Variants in MAP3K5 observed in about 807,000 individuals in gnomAD.
The protein encoded by MAP3K5 is ASK-1.
A neutral mutation model predicts 158.7 loss-of-function variants in MAP3K5; 56 were observed. The observed-to-expected ratio is 0.35, with a 90% confidence interval of 0.28 to 0.44. The LOEUF is 0.44. Ranked by LOEUF, MAP3K5 falls within the 20% of genes least tolerant of loss-of-function variation. MAP3K5 has a pLI of 1.00. For missense variants in MAP3K5, 1,294 were observed against 1,674.8 expected, an observed-to-expected ratio of 0.77 and a Z score of 3.97; for synonymous variants, 579 against 601.7, an observed-to-expected ratio of 0.96 and a Z score of 0.55.
chr6:136,725,343 G>A (rs1196949830), intron 1 of MAP3K5, among the ~76,000 whole-genome samples: 6 of 152,198 alleles, frequency 3.9e-5, no homozygotes, highest in Non-Finnish European at 7.4e-5. Context: ...CATCTCAGCT[G>A]TCCAACATCT....
At chr6:136,753,936 G>A (rs1297273103) in intron 1 of MAP3K5, among the ~76,000 whole-genome samples, 1 of 152,216 alleles carries the variant, frequency 6.6e-6, no homozygotes, top group Non-Finnish European at 1.5e-5. Context: ...AAACTGAAAG[G>A]TGCTAGTGAG....
chr6:136,770,607 A>G (rs1272966316), intron 1 of MAP3K5, among the ~76,000 whole-genome samples: 4 of 152,212 alleles, frequency 2.6e-5, no homozygotes, highest in African/African-American at 9.6e-5. Flanking sequence ...AGAATAAAAT[A>G]TAGGCCAGAT....
intron 1 of MAP3K5, among the ~76,000 whole-genome samples, chr6:136,723,742 A>T (rs181615605): frequency 2.0e-3 from 301 of 152,340 alleles, no homozygotes; most frequent in African/African-American, 6.7e-3. Flanking sequence ...AACTTTGGTG[A>T]ATGAGAAATC....
intron 25 of MAP3K5, among the ~76,000 whole-genome samples, chr6:136,579,179 C>T (rs1242477523): frequency 1.3e-5 from 2 of 152,052 alleles, no homozygotes; most frequent in African/African-American, 4.8e-5. Context: ...AACAATTGGT[C>T]AACTGCTCTT....
At chr6:136,582,424 AG>A (rs1774933052) in intron 24 of MAP3K5, among the ~76,000 whole-genome samples, 1 of 152,210 alleles carries the variant, frequency 6.6e-6, no homozygotes, top group Non-Finnish European at 1.5e-5. Flanking sequence ...AGTGCAAATT[AG>A]CTAAATTATT....
chr6:136,730,159 T>TG (rs1379826326), intron 1 of MAP3K5, among the ~76,000 whole-genome samples: 3 of 138,814 alleles, frequency 2.2e-5, no homozygotes, highest in South Asian at 2.2e-4. Context: ...GGTTGTTTTT[T>TG]TTTTTTTGTT....
intron 1 of MAP3K5, among the ~76,000 whole-genome samples, chr6:136,722,244 C>G (rs1489896336): frequency 6.6e-6 from 1 of 152,100 alleles, no homozygotes; most frequent in Non-Finnish European, 1.5e-5. Context: ...GCTTCCTTTG[C>G]AATTGCAATA....
chr6:136,589,990 CAG>C (rs1030852735), intron 23 of MAP3K5, among the ~76,000 whole-genome samples: 6 of 152,128 alleles, frequency 3.9e-5, no homozygotes, highest in Admixed American at 3.9e-4. Flanking sequence ...TGAGAGGTGG[CAG>C]AGTCTTTAAA....
At chr6:136,692,153 C>T (rs1306304163) in intron 7 of MAP3K5, among the ~76,000 whole-genome samples, 7 of 151,872 alleles carry the variant, frequency 4.6e-5, no homozygotes, top group Non-Finnish European at 1.0e-4. Flanking sequence ...GCCATCTTCG[C>T]ACCTCAGCCT....
intron 13 of MAP3K5, 91 bp from the exon 14 acceptor site, chr6:136,637,497 G>A (rs1777697332): frequency 6.5e-6 from 5 of 769,200 alleles, no homozygotes; most frequent in South Asian, 4.3e-5. Context: ...AACCAAAACT[G>A]AGAGCTAAGA....
intron 1 of MAP3K5, among the ~76,000 whole-genome samples, chr6:136,729,503 C>T (rs1451849909): frequency 6.6e-6 from 1 of 152,212 alleles, no homozygotes; most frequent in Non-Finnish European, 1.5e-5. Flanking sequence ...AGAGGAGACC[C>T]TTTGAGCAAT....
Position 136,694,210 on chromosome 6 carries a change from G to A in MAP3K5, c.1183C>T (p.Arg395Ter). Residue 395 changes from arginine (R) to a stop codon, truncating the protein, a stop_gained, in exon 7 of 30, where the codon CGA (arginine) becomes TGA (stop). Coordinates refer to ENST00000359015, the MANE Select transcript of MAP3K5 (RefSeq NM_005923.4). LOFTEE classifies it high-confidence loss of function. ...VASDMYCLVG[R>*]IYKDMFLDSN... is the part of the protein sequence containing the mutation. ...TCCAAAAACATATCTTTGTAGATTC[G>A]ACCAACTAGGCAATACATATCTGAA... The A allele has an allele frequency of 1.2e-6, 2 of 1,613,624 alleles. No individual in the cohort carries two copies. Among genetic ancestry groups the A allele is most frequent in the Non-Finnish European group, 8.5e-7 (1 of 1,179,844 alleles).
chr6:136,642,030 A>AAAATAAAATAAAAT (rs1491266433), intron 12 of MAP3K5, among the ~76,000 whole-genome samples: 14 of 119,326 alleles, frequency 1.2e-4, no homozygotes, highest in South Asian at 2.7e-4. Flanking sequence ...AAAATAAAAT[A>AAAATAAAATAAAAT]AAAATAAAAT....
At chr6:136,774,532 C>G (rs991334434) in intron 1 of MAP3K5, among the ~76,000 whole-genome samples, 1 of 152,214 alleles carries the variant, frequency 6.6e-6, no homozygotes, top group Non-Finnish European at 1.5e-5. Context: ...CCTTACCAGA[C>G]TGTGAGCCGC....
intron 1 of MAP3K5, among the ~76,000 whole-genome samples, chr6:136,747,069 G>A (rs201882353): frequency 6.6e-6 from 1 of 152,180 alleles, no homozygotes; most frequent in South Asian, 2.1e-4. Context: ...TTATAAGCAC[G>A]CGCCACCATG....
intron 21 of MAP3K5, among the ~76,000 whole-genome samples, chr6:136,597,004 G>C (rs933706378): frequency 6.6e-6 from 1 of 152,118 alleles, no homozygotes; most frequent in Non-Finnish European, 1.5e-5. Flanking sequence ...AGGATTTCCA[G>C]TCACAGGCAG....
At chr6:136,665,458 T>C (rs1779187311) in intron 8 of MAP3K5, among the ~76,000 whole-genome samples, 1 of 152,076 alleles carries the variant, frequency 6.6e-6, no homozygotes, top group Non-Finnish European at 1.5e-5. Flanking sequence ...GCGATTCTTT[T>C]GCCTCAGTCT....
At position 136,642,690 on chromosome 6, in the gene MAP3K5, T is replaced by C. The variant is rs991273042; in HGVS notation, c.1789-121A>G. ...GCCATTTTTCCTGGTACACTATTTT[T>C]CATGAAAGAATTATCTGGATGGAAA... On this transcript the variant is annotated intron_variant, in intron 11 of 29. Transcript: ENST00000359015. 5 of 687,656 alleles carry C rather than the reference T, an allele frequency of 7.3e-6. No individual in the cohort carries two copies. In the African/African-American group the frequency reaches 9.0e-5, roughly 12 times the overall value. The allele number at this position is 687,656 out of a possible 1,614,324, so 42.6% of individuals were successfully genotyped here.
chr6:136,683,165 C>G (rs1277386278), intron 7 of MAP3K5, among the ~76,000 whole-genome samples: 1 of 152,208 alleles, frequency 6.6e-6, no homozygotes. Context: ...ATCCTCACAA[C>G]AAAGCACTCA....
Sources: allele counts gnomAD v4.1 joint callset (sites outside exome capture counted in the v4.1 genomes callset), GRCh38; gene constraint gnomAD v4.1.1; transcripts MANE v1.5; gene names NCBI Gene and HGNC (gene_info 2026-07-23, HGNC 2026-07-21).